INTS9: variants seen among roughly 807,000 people sequenced by gnomAD.
INTS9 encodes the protein protein related to CPSF subunits of 74 kDa.
In INTS9, 55 loss-of-function variants were observed where a neutral mutation model predicts 79.7. The observed-to-expected ratio is 0.69, with a 90% CI of 0.56 to 0.86. INTS9 has a LOEUF of 0.86. INTS9 is among the 40% of genes least tolerant of loss of function. INTS9 has a pLI of 0.00. For missense variants in INTS9, 721 were observed against 831.5 expected, an observed-to-expected ratio of 0.87 and a Z score of 1.64; for synonymous variants, 319 against 325.2, an observed-to-expected ratio of 0.98 and a Z score of 0.20.
chr8:28,777,553 T>G (rs77476932), intron 13 of INTS9, among the ~76,000 whole-genome samples: 1 of 151,828 alleles, frequency 6.6e-6, no homozygotes, highest in Non-Finnish European at 1.5e-5. Context: ...TTTTTTTTTT[T>G]GGCAGGGGTG....
At chr8:28,828,873 G>C (rs1391515050) in intron 6 of INTS9, among the ~76,000 whole-genome samples, 1 of 152,202 alleles carries the variant, frequency 6.6e-6, no homozygotes, top group Middle Eastern at 3.4e-3. Context: ...AGTAGAGACG[G>C]GGTTTCACCA....
At chr8:28,774,007 G>A (rs1373896046) in intron 14 of INTS9, among the ~76,000 whole-genome samples, 1 of 152,144 alleles carries the variant, frequency 6.6e-6, no homozygotes, top group Admixed American at 6.5e-5. Context: ...TGGAGATGGG[G>A]TTTCACCACC....
At chr8:28,883,034 C>G (rs573894017) in intron 1 of INTS9, among the ~76,000 whole-genome samples, 2 of 152,154 alleles carry the variant, frequency 1.3e-5, no homozygotes, top group African/African-American at 4.8e-5. Context: ...CCTTTTCTTG[C>G]GATCCCTGCA....
intron 14 of INTS9, among the ~76,000 whole-genome samples, chr8:28,772,247 G>C (rs1802591571): frequency 6.6e-6 from 1 of 152,200 alleles, no homozygotes; most frequent in Non-Finnish European, 1.5e-5. Flanking sequence ...CAGTTTGGCT[G>C]GGTGCGGTGG....
chr8:28,807,558 A>C (rs776489644), intron 8 of INTS9, among the ~76,000 whole-genome samples: 31 of 152,214 alleles, frequency 2.0e-4, no homozygotes, highest in Non-Finnish European at 3.5e-4. Context: ...TATCCCAGGA[A>C]TATTGGATGG....
At chr8:28,846,523 G>A (rs1044524094) in intron 4 of INTS9, among the ~76,000 whole-genome samples, 1 of 152,128 alleles carries the variant, frequency 6.6e-6, no homozygotes, top group Admixed American at 6.6e-5. Flanking sequence ...GGGGATTACA[G>A]AAAGAACCGG....
At chr8:28,792,458 A>G (rs548333518) in intron 10 of INTS9, among the ~76,000 whole-genome samples, 1 of 152,218 alleles carries the variant, frequency 6.6e-6, no homozygotes, top group African/African-American at 2.4e-5. Context: ...TAAAACTATC[A>G]GTATAAAAAA....
chr8:28,793,188 A>G (rs1436662796), intron 10 of INTS9, among the ~76,000 whole-genome samples: 1 of 152,164 alleles, frequency 6.6e-6, no homozygotes, highest in African/African-American at 2.4e-5. Context: ...ACAGTCCCGG[A>G]ACGTTTGGGA....
intron 11 of INTS9, among the ~76,000 whole-genome samples, chr8:28,784,854 CAACT>C (rs1345284975): frequency 8.5e-5 from 13 of 152,164 alleles, no homozygotes; most frequent in Admixed American, 1.3e-4. Flanking sequence ...CAGACTTTAC[CAACT>C]GTTATCAATG....
At chr8:28,789,418 G>A (rs779803940) in intron 10 of INTS9, among the ~76,000 whole-genome samples, 1 of 152,182 alleles carries the variant, frequency 6.6e-6, no homozygotes, top group African/African-American at 2.4e-5. Context: ...GACCTGATTA[G>A]AGTTTGCTTC....
intron 1 of INTS9, among the ~76,000 whole-genome samples, chr8:28,882,572 CATAAT>C (rs1422874807): frequency 1.1e-5 from 1 of 93,186 alleles, no homozygotes; most frequent in Non-Finnish European, 2.3e-5. Flanking sequence ...AAAATGTAGA[CATAAT>C]GTATTTAGAA....
chr8:28,875,566 T>A (rs1809336338), intron 1 of INTS9, among the ~76,000 whole-genome samples: 1 of 152,136 alleles, frequency 6.6e-6, no homozygotes. Flanking sequence ...ATGTGTGCCA[T>A]CGTGGTTTGC....
intron 8 of INTS9, chr8:28,809,999 G>A (rs1255786196): frequency 6.6e-6 from 1 of 152,136 alleles, no homozygotes; most frequent in Non-Finnish European, 1.5e-5. Context: ...ATTCCATAAT[G>A]CATGCACATA....
chr8:28,786,652 A>G (rs1364784980), intron 11 of INTS9, among the ~76,000 whole-genome samples: 1 of 152,150 alleles, frequency 6.6e-6, no homozygotes, highest in Non-Finnish European at 1.5e-5. Context: ...TGTTCAATGT[A>G]TACTTTAGGA....
intron 11 of INTS9, among the ~76,000 whole-genome samples, chr8:28,787,013 A>T (rs141448873): frequency 1.3e-5 from 2 of 152,230 alleles, no homozygotes; most frequent in Non-Finnish European, 2.9e-5. Context: ...CACCGAGCCC[A>T]GCCAATACTG....
intron 14 of INTS9, among the ~76,000 whole-genome samples, chr8:28,771,973 T>C (rs1251286102): frequency 6.6e-6 from 1 of 152,058 alleles, no homozygotes; most frequent in Non-Finnish European, 1.5e-5. Flanking sequence ...TGATGTTCCC[T>C]CCTCAGCCTC....
rs189740664 is a variant in INTS9, at chr8:28,849,308, T to C, written c.198+905A>G. Among the ~76,000 whole-genome samples the C allele has an allele frequency of 2.0e-3, 304 of 152,292 alleles. 1 individual carries two copies. Among genetic ancestry groups the C allele is most frequent in the African/African-American group, 7.0e-3 (292 of 41,556 alleles). On this transcript the variant is annotated intron_variant, in intron 3 of 16. Coordinates refer to ENST00000521022, the MANE Select transcript of INTS9 (RefSeq NM_018250.4). The stretch of plus-strand genomic sequence containing the variant: ...TTATAGTTGTAACATTTTTGGTAGC[T>C]TTAGTCTTTCATTTATTAAGTTAAC...
intron 11 of INTS9, among the ~76,000 whole-genome samples, chr8:28,782,885 CA>C (rs1245679997): frequency 6.6e-6 from 1 of 152,110 alleles, no homozygotes; most frequent in Non-Finnish European, 1.5e-5. Flanking sequence ...CATACACACA[CA>C]AAAAAACCCC....
At chr8:28,841,400 C>G (rs1364008812) in intron 4 of INTS9, among the ~76,000 whole-genome samples, 1 of 152,234 alleles carries the variant, frequency 6.6e-6, no homozygotes, top group Non-Finnish European at 1.5e-5. Flanking sequence ...AGCTAAAAAT[C>G]ATCACCACCA....
Sources: gnomAD v4.1 joint callset for allele counts (sites outside exome capture counted in the v4.1 genomes callset) on GRCh38, gnomAD v4.1.1 for gene constraint, MANE v1.5 for transcripts, NCBI Gene and HGNC (gene_info 2026-07-23, HGNC 2026-07-21) for gene names.